Variants in CTIF observed in about 807,000 individuals in gnomAD.
The protein encoded by CTIF is CBP80/20-dependent translation initiation factor.
Under a neutral mutation model 66.0 loss-of-function variants are expected in CTIF, and 21 were observed. The ratio of observed to expected loss-of-function variants is 0.32; its 90% CI spans 0.23 to 0.46. The LOEUF (loss-of-function observed/expected upper bound fraction) is 0.46, where lower values mean the gene tolerates loss of function less well. Ranked by LOEUF, CTIF falls within the 20% of genes least tolerant of loss-of-function variation. The pLI is 1.00. For synonymous variants in CTIF, 345 were observed against 326.4 expected, an observed-to-expected ratio of 1.06 and a Z score of -0.62; for missense variants, 739 against 812.7, an observed-to-expected ratio of 0.91 and a Z score of 1.10.
intron 9 of CTIF, among the ~76,000 whole-genome samples, chr18:48,767,694 G>T (rs553091592): frequency 3.3e-5 from 5 of 152,290 alleles, no homozygotes; most frequent in Admixed American, 2.0e-4. Flanking sequence ...TCAGAATCTG[G>T]TGTGTGACCA....
intron 3 of CTIF, among the ~76,000 whole-genome samples, chr18:48,656,714 A>G (rs1369981303): frequency 6.6e-6 from 1 of 152,188 alleles, no homozygotes; most frequent in African/African-American, 2.4e-5. Context: ...GTCACGAAGG[A>G]TTCAGCAGTG....
intron 7 of CTIF, among the ~76,000 whole-genome samples, chr18:48,734,120 C>T (rs1420927206): frequency 6.6e-6 from 1 of 152,234 alleles, no homozygotes; most frequent in Non-Finnish European, 1.5e-5. Context: ...ATGGGAACTT[C>T]CTGTAGGGGA....
intron 2 of CTIF, among the ~76,000 whole-genome samples, chr18:48,630,482 A>T (rs1442585708): frequency 1.3e-5 from 2 of 152,112 alleles, no homozygotes; most frequent in Admixed American, 6.5e-5. Flanking sequence ...CAATTTTTCA[A>T]TGGCTGGGTG....
At chr18:48,793,375 CAGAG>C (rs1444561462) in intron 9 of CTIF, among the ~76,000 whole-genome samples, 1 of 152,186 alleles carries the variant, frequency 6.6e-6, no homozygotes, top group East Asian at 1.9e-4. Flanking sequence ...GGGAAACTGA[CAGAG>C]AGGATAGGAT....
intron 3 of CTIF, among the ~76,000 whole-genome samples, chr18:48,658,594 T>A (rs905488932): frequency 6.6e-6 from 1 of 152,068 alleles, no homozygotes; most frequent in Admixed American, 6.5e-5. Context: ...ATACCATGCA[T>A]GTGTGTGTAT....
chr18:48,546,061 A>C (rs1194375553), intron 1 of CTIF, among the ~76,000 whole-genome samples: 2 of 152,198 alleles, frequency 1.3e-5, no homozygotes, highest in Non-Finnish European at 2.9e-5. Flanking sequence ...TGGAGTGTAC[A>C]GAGTGGGGAA....
intron 7 of CTIF, among the ~76,000 whole-genome samples, chr18:48,753,865 A>G (rs1002635239): frequency 3.9e-5 from 6 of 152,236 alleles, no homozygotes; most frequent in Non-Finnish European, 5.9e-5. Flanking sequence ...AAAGCGGCTC[A>G]TCCCTGGCCC....
chr18:48,654,007 T>TA (rs1475869769), intron 3 of CTIF, among the ~76,000 whole-genome samples: 1 of 152,120 alleles, frequency 6.6e-6, no homozygotes, highest in African/African-American at 2.4e-5. Flanking sequence ...ATGTTAGACC[T>TA]AAAACCATAA....
At chr18:48,647,812 C>T (rs1033298516) in intron 3 of CTIF, among the ~76,000 whole-genome samples, 4 of 152,256 alleles carry the variant, frequency 2.6e-5, no homozygotes, top group African/African-American at 9.6e-5. Context: ...CTAGGTCACC[C>T]CCCAGACCAG....
chr18:48,830,135 G>T (rs2068659839), intron 10 of CTIF, among the ~76,000 whole-genome samples: 1 of 152,126 alleles, frequency 6.6e-6, no homozygotes, highest in Admixed American at 6.5e-5. Flanking sequence ...ACCCTCTCTG[G>T]CCCTTGGGTA....
intron 9 of CTIF, among the ~76,000 whole-genome samples, chr18:48,813,111 TATCCATTC>T (rs2068295008): frequency 6.6e-6 from 1 of 152,242 alleles, no homozygotes; most frequent in Admixed American, 6.5e-5. Context: ...TTTTCTGCAT[TATCCATTC>T]TATCCTTTAC....
intron 9 of CTIF, among the ~76,000 whole-genome samples, chr18:48,797,779 G>C (rs1188812114): frequency 6.6e-6 from 1 of 152,136 alleles, no homozygotes; most frequent in Non-Finnish European, 1.5e-5. Context: ...CAGGCAGTTA[G>C]ATCTCATAGT....
At chr18:48,743,771 CA>C (rs1422596772) in intron 7 of CTIF, among the ~76,000 whole-genome samples, 12 of 151,906 alleles carry the variant, frequency 7.9e-5, no homozygotes, top group Non-Finnish European at 5.9e-5. Context: ...CTGGTAGTAC[CA>C]AAAATAACAA....
At chr18:48,733,233 GC>G (rs113867814) in intron 7 of CTIF, among the ~76,000 whole-genome samples, 21,324 of 151,792 alleles carry the variant, frequency 0.14, 1,671 homozygotes, top group South Asian at 0.2. Flanking sequence ...GCGAGGAGGG[GC>G]CGAGAGGGAA....
chr18:48,630,726 A>G (rs2090691741), intron 2 of CTIF, among the ~76,000 whole-genome samples: 1 of 149,946 alleles, frequency 6.7e-6, no homozygotes, highest in Non-Finnish European at 1.5e-5. Flanking sequence ...CCCAGGCTGG[A>G]GTGCGGTGGC....
intron 1 of CTIF, among the ~76,000 whole-genome samples, chr18:48,618,141 T>A (rs1465537866): frequency 6.6e-6 from 1 of 152,228 alleles, no homozygotes; most frequent in Non-Finnish European, 1.5e-5. Flanking sequence ...CTTGCCCTGC[T>A]TTGGACTCGC....
chr18:48,752,661 G>A (rs757683263), intron 7 of CTIF, among the ~76,000 whole-genome samples: 3 of 152,150 alleles, frequency 2.0e-5, no homozygotes, highest in Non-Finnish European at 4.4e-5. Context: ...ACACAGAGAG[G>A]TGAGATCACC....
Position 48,579,973 on chromosome 18 carries a change from C to T in CTIF, c.-28-39565C>T, listed in dbSNP as rs892714128. Among the ~76,000 whole-genome samples the T allele has an allele frequency of 3.9e-5, 6 of 152,244 alleles. 1 individual carries two copies. The highest frequency in any genetic ancestry group is 1.2e-4 in the African/African-American group (5 of 41,460). ...TAATTAAATGAAGGAACTACGATGT[C>T]TCTGATGGACAAGTGATTCACTCAA... On this transcript the variant is annotated intron_variant, in intron 1 of 11. Coordinates refer to ENST00000256413, the MANE Select transcript of CTIF (RefSeq NM_014772.3).
At chr18:48,662,934 T>G (rs1043443058) in intron 3 of CTIF, among the ~76,000 whole-genome samples, 2 of 152,190 alleles carry the variant, frequency 1.3e-5, no homozygotes, top group Non-Finnish European at 2.9e-5. Context: ...GTCTCCAGTT[T>G]GGAGCTGTAA....
Sources: allele counts gnomAD v4.1 joint callset (sites outside exome capture counted in the v4.1 genomes callset), GRCh38; gene constraint gnomAD v4.1.1; transcripts MANE v1.5; gene names NCBI Gene and HGNC (gene_info 2026-07-23, HGNC 2026-07-21).